NAA15: variants seen among roughly 807,000 people sequenced by gnomAD.
NAA15 encodes the protein N-terminal acetyltransferase.
In NAA15, 34 loss-of-function variants were observed where a neutral mutation model predicts 114.0. That is an observed-to-expected ratio of 0.30 (90% CI 0.23 to 0.40). The LOEUF (loss-of-function observed/expected upper bound fraction) is 0.40, where lower values mean the gene tolerates loss of function less well. Ranked by LOEUF, NAA15 falls within the 10% of genes least tolerant of loss-of-function variation. The pLI is 1.00. For missense variants in NAA15, 658 were observed against 1,004.5 expected (o/e 0.66, Z 4.66); for synonymous variants, 340 against 338.0 (o/e 1.01, Z -0.06).
chr4:139,308,229 A>G (rs138035001), intron 1 of NAA15, among the ~76,000 whole-genome samples: 2,532 of 152,174 alleles, frequency 0.017, 22 homozygotes, highest in East Asian at 0.033. Flanking sequence ...CCTAAGTGCT[A>G]GGATTACAGG....
Position 139,315,058 on chromosome 4 carries a change from T to C in NAA15, c.54+13227T>C, listed in dbSNP as rs576131498. ...TAGGTTAGGTTAGGTTAGGTTAGTT[T>C]AGTTTAGTTTAGTTTAGTTTTTGAG... On this transcript the variant is annotated intron_variant, in intron 1 of 19. Coordinates refer to ENST00000296543, the MANE Select transcript of NAA15 (RefSeq NM_057175.5). 1.3e-3 allele frequency among the ~76,000 whole-genome samples: 171 copies of C among 132,334 alleles called. 10 individuals carry two copies. Among genetic ancestry groups the C allele is most frequent in the Admixed American group, 2.9e-3 (39 of 13,438 alleles). 86.8% of individuals were successfully genotyped at this position (132,334 alleles called of 152,430 possible). A position where few individuals can be genotyped will look rare whatever the true frequency, so the allele number is the denominator to read the frequency against.
chr4:139,365,257 C>T (rs1404409048), intron 14 of NAA15, among the ~76,000 whole-genome samples: 4 of 152,040 alleles, frequency 2.6e-5, no homozygotes, highest in Admixed American at 6.6e-5. Context: ...GGGCTGGTCT[C>T]GAACGCCTGA....
At chr4:139,321,456 G>T (rs1482505979) in intron 1 of NAA15, among the ~76,000 whole-genome samples, 3 of 149,154 alleles carry the variant, frequency 2.0e-5, no homozygotes, top group Non-Finnish European at 4.4e-5. Flanking sequence ...GAGCCACAGT[G>T]CCTGGCCCTT....
At chr4:139,378,907 C>T (rs1414040804) in intron 17 of NAA15, 53 bp downstream of exon 17, 28 of 1,098,700 alleles carry the variant, frequency 2.5e-5, no homozygotes, top group Middle Eastern at 2.0e-4. Context: ...TTGATGGTGA[C>T]GGTATAAGTG....
chr4:139,320,411 A>G (rs1746557222), intron 1 of NAA15, among the ~76,000 whole-genome samples: 1 of 152,148 alleles, frequency 6.6e-6, no homozygotes, highest in South Asian at 2.1e-4. Context: ...ATATTCTTGC[A>G]TGTATAGGTT....
At chr4:139,306,056 T>G (rs1746001296) in intron 1 of NAA15, among the ~76,000 whole-genome samples, 1 of 152,236 alleles carries the variant, frequency 6.6e-6, no homozygotes, top group Admixed American at 6.5e-5. Context: ...TGATCTAGTC[T>G]AGTTGATCTC....
intron 14 of NAA15, among the ~76,000 whole-genome samples, chr4:139,362,566 A>T (rs564048099): frequency 1.3e-5 from 2 of 152,174 alleles, no homozygotes; most frequent in Admixed American, 6.5e-5. Context: ...AAGTGCTGGG[A>T]TTACAGGCAT....
chr4:139,340,305 G>T (rs1366040201), intron 3 of NAA15, among the ~76,000 whole-genome samples: 1 of 152,128 alleles, frequency 6.6e-6, no homozygotes, highest in Admixed American at 6.5e-5. Flanking sequence ...CTGGGTGACA[G>T]AGCAATACCT....
chr4:139,319,120 C>A (rs1450381300), intron 1 of NAA15, among the ~76,000 whole-genome samples: 3 of 152,004 alleles, frequency 2.0e-5, no homozygotes, highest in Non-Finnish European at 4.4e-5. Context: ...ATGGTGAAAC[C>A]CCGTCTCTAC....
At chr4:139,350,179 A>T (rs1747731592) in intron 7 of NAA15, among the ~76,000 whole-genome samples, 1 of 152,074 alleles carries the variant, frequency 6.6e-6, no homozygotes, top group Non-Finnish European at 1.5e-5. Context: ...GTAGGGGCTC[A>T]CACTTGTGAT....
chr4:139,342,283 C>T (rs892025585), intron 4 of NAA15, among the ~76,000 whole-genome samples: 3 of 151,934 alleles, frequency 2.0e-5, no homozygotes, highest in Non-Finnish European at 2.9e-5. Flanking sequence ...TAAGTTTGGT[C>T]TTAAGTTTTA....
chr4:139,377,915 G>C (rs1748636381), intron 16 of NAA15, among the ~76,000 whole-genome samples: 1 of 152,176 alleles, frequency 6.6e-6, no homozygotes, highest in African/African-American at 2.4e-5. Context: ...GTAGGGAAGG[G>C]CAATCTAAAG....
intron 10 of NAA15, among the ~76,000 whole-genome samples, chr4:139,355,126 G>C (rs1460514764): frequency 6.6e-6 from 1 of 152,070 alleles, no homozygotes; most frequent in East Asian, 1.9e-4. Flanking sequence ...TGATCCGCCT[G>C]CTTCGGCCTC....
At chr4:139,387,746 T>A (rs2111012869) in intron 19 of NAA15, 138 bp from the exon 20 acceptor site, 1 of 657,134 alleles carries the variant, frequency 1.5e-6, no homozygotes, top group Admixed American at 2.8e-5. Flanking sequence ...TCTAATAGAA[T>A]GCATATGCAG....
intron 18 of NAA15, among the ~76,000 whole-genome samples, 189 bp from the exon 19 acceptor site, chr4:139,385,944 G>C (rs918785516): frequency 1.3e-5 from 2 of 152,024 alleles, no homozygotes; most frequent in Admixed American, 1.3e-4. Flanking sequence ...TCTTTCTTTG[G>C]ATGGTTAAGC....
At chr4:139,348,192 G>A (rs1425149734) in intron 6 of NAA15, among the ~76,000 whole-genome samples, 2 of 152,104 alleles carry the variant, frequency 1.3e-5, no homozygotes, top group African/African-American at 2.4e-5. Context: ...GGTGACTCAC[G>A]ACTATAATCC....
chr4:139,336,893 A>G lies in NAA15; in HGVS notation c.185A>G (p.Lys62Arg). Residue 62 changes from lysine (K) to arginine (R), a missense_variant, in exon 3 of 20, where the codon AAG becomes AGG. By Grantham distance (26) the Lys-to-Arg change is conservative (BLOSUM62 2). This residue lies in a region of NAA15 where 75 missense variants were observed against 172.3 expected (regional missense o/e 0.44). Coordinates refer to ENST00000296543, the MANE Select transcript of NAA15 (RefSeq NM_057175.5). The stretch of plus-strand genomic sequence containing the variant: ...TTAACATTGAACTGTTTGGGGAAAA[A>G]GGAAGAAGCTTATGAATTGGTTCGT... ...KGLTLNCLGK[K>R]EEAYELVRRG... 5 of 1,600,792 alleles carry G rather than the reference A, an allele frequency of 3.1e-6. No homozygotes were observed. The highest frequency in any genetic ancestry group is 4.3e-6 in the Non-Finnish European group (5 of 1,173,258).
intron 14 of NAA15, among the ~76,000 whole-genome samples, chr4:139,365,241 T>C (rs1450382595): frequency 6.6e-6 from 1 of 152,118 alleles, no homozygotes; most frequent in Non-Finnish European, 1.5e-5. Flanking sequence ...TTTCTCCATG[T>C]TGGTCGGGCT....
At chr4:139,314,885 C>A (rs781306379) in intron 1 of NAA15, among the ~76,000 whole-genome samples, 3 of 151,762 alleles carry the variant, frequency 2.0e-5, no homozygotes, top group Non-Finnish European at 4.4e-5. Context: ...ACCATGTTGG[C>A]CACGATGGTC....
Sources: allele counts gnomAD v4.1 joint callset (sites outside exome capture counted in the v4.1 genomes callset), GRCh38; gene constraint gnomAD v4.1.1; regional missense constraint gnomAD v4.1.1; transcripts MANE v1.5; gene names NCBI Gene and HGNC (gene_info 2026-07-23, HGNC 2026-07-21).